Variants in SLCO4A1 observed in about 807,000 individuals in gnomAD.
SLCO4A1 encodes the protein solute carrier organic anion transporter family member 4A1.
A neutral mutation model predicts 64.6 loss-of-function variants in SLCO4A1; 51 were observed. The observed-to-expected ratio is 0.79, with a 90% CI of 0.63 to 1.00. SLCO4A1 has a LOEUF of 1.00. Ranked by LOEUF, SLCO4A1 falls within the 50% of genes least tolerant of loss-of-function variation. SLCO4A1 has a pLI of 0.00. For missense variants in SLCO4A1, 919 were observed against 980.5 expected, an observed-to-expected ratio of 0.94 and a Z score of 0.84; for synonymous variants, 471 against 444.9, an observed-to-expected ratio of 1.06 and a Z score of -0.74.
chr20:62,689,823 G>A (rs796139998), downstream of SLCO4A1, among the ~76,000 whole-genome samples: 26 of 152,382 alleles, frequency 1.7e-4, no homozygotes, highest in African/African-American at 6.3e-4. Flanking sequence ...CACTCCATGT[G>A]TGGGACGGGG....
intron 1 of SLCO4A1, among the ~76,000 whole-genome samples, chr20:62,655,961 G>A (rs1011224359): frequency 1.5e-4 from 23 of 152,212 alleles, no homozygotes; most frequent in African/African-American, 5.5e-4. Flanking sequence ...GCCAGGGCGG[G>A]GTGACCTGGG....
downstream of SLCO4A1, among the ~76,000 whole-genome samples, chr20:62,689,439 A>C (rs147153272): frequency 2.2e-3 from 329 of 152,346 alleles, no homozygotes; most frequent in African/African-American, 7.6e-3. Flanking sequence ...CTAGGCACTG[A>C]GGATACCAGC....
rs117032633 is a variant in SLCO4A1 at position 62,682,479 on chromosome 20, G to A, written n.212-2962G>A. Among the ~76,000 whole-genome samples the A allele has an allele frequency of 3.0e-3, 453 of 152,298 alleles. 1 individual carries two copies. Among genetic ancestry groups the A allele is most frequent in the East Asian group, 8.5e-3 (44 of 5,184 alleles). ...GAGACCACAGAGGGGACAGATGAGC[G>A]TGGTGACCGCTGAGGGGACAGATGA... On this transcript the variant is annotated intron_variant and non_coding_transcript_variant, in intron 2 of 2. Transcript: ENST00000466818.
At chr20:62,660,911 C>T (rs377422643) in intron 4 of SLCO4A1, among the ~76,000 whole-genome samples, 153 bp from the exon 5 acceptor site, 3 of 152,296 alleles carry the variant, frequency 2.0e-5, no homozygotes, top group East Asian at 1.9e-4. Context: ...GTTCCAGTGC[C>T]GCCTCCCCGG....
intron 2 of SLCO4A1, among the ~76,000 whole-genome samples, chr20:62,657,523 G>A (rs77861268): frequency 0.011 from 1,751 of 152,358 alleles, 36 homozygotes; most frequent in African/African-American, 0.039. Context: ...GTGGTGTCCA[G>A]CCCACCTTGC....
chr20:62,661,279 G>T lies in SLCO4A1; in HGVS notation c.1121+104G>T. On this transcript the variant is annotated intron_variant, in intron 5 of 11. Transcript: ENST00000217159. The surrounding 1 kb of genome is among the most constrained non-coding windows in gnomAD (Gnocchi z 5.2). ...CCTCCGGGATCATGATGGGGACGCA[G>T]CCCCTAACCTCTGTCGTGACCCTGG... 1.3e-6 allele frequency: 1 copy of T among 789,350 alleles called. No individual in the cohort carries two copies. Among genetic ancestry groups the T allele is most frequent in the Non-Finnish European group, 2.2e-6 (1 of 456,858 alleles). The allele number at this position is 789,350 out of a possible 1,614,324, so 48.9% of individuals were successfully genotyped here.
At chr20:62,688,657 G>A (rs1378346735), downstream of SLCO4A1, among the ~76,000 whole-genome samples, 2 of 152,210 alleles carry the variant, frequency 1.3e-5, no homozygotes, top group Non-Finnish European at 2.9e-5. Flanking sequence ...GCCAGCAGAT[G>A]GCTGGGGTGG....
At chr20:62,689,262 T>TCGCAGGCCTGTCCCCGGCTGTGCCCCGTG (rs1988157165), downstream of SLCO4A1, among the ~76,000 whole-genome samples, 2 of 84,056 alleles carry the variant, frequency 2.4e-5, no homozygotes, top group Admixed American at 2.0e-4. Context: ...TGTGTCCCGT[T>TCGCAGGCCTGTCCCCGGCTGTGCCCCGTG]CCTCGCAGGC....
intron 2 of SLCO4A1, among the ~76,000 whole-genome samples, chr20:62,679,424 C>T (rs980083327): frequency 6.6e-6 from 1 of 151,502 alleles, no homozygotes; most frequent in Non-Finnish European, 1.5e-5. Context: ...TGCAGTGGTA[C>T]AATCATGGCT....
rs747626967 is a variant in SLCO4A1, at chr20:62,665,001, ACT to A, written c.1193_1194del (p.Leu398HisfsTer154). ...CTGCCTGGCCGGGGCCACCGAGGCC[ACT>A]CTCATCACCGGCATGTCCACGTTCA... ...LLCLAGATEA[T>X]LITGMSTFSP... is the part of the protein sequence containing the mutation. On this transcript the variant is annotated frameshift_variant, in exon 6 of 12. Coordinates refer to ENST00000217159, the MANE Select transcript of SLCO4A1 (RefSeq NM_016354.4). LOFTEE classifies it high-confidence loss of function. 2.1e-4 allele frequency: 340 copies of A among 1,613,752 alleles called. No homozygotes were observed. The highest frequency in any genetic ancestry group is 2.2e-4 in the South Asian group (20 of 91,066).
Position 62,658,657 on chromosome 20 carries a change from C to A in SLCO4A1, c.797-20C>A. ...CCTGGGTGGTGCACAGCGGCCCTGA[C>A]GCCTCTGCCTCTCTCGCAGCCATCT... On this transcript the variant is annotated intron_variant, in intron 2 of 11. Transcript: ENST00000217159. 1 of 1,599,082 alleles carries A rather than the reference C, an allele frequency of 6.3e-7. No homozygotes were observed.
Position 62,656,900 on chromosome 20 carries a change from A to G in SLCO4A1, c.446A>G (p.Tyr149Cys). ...CAGAGCGGGCTCATCGCCAGCTCCT[A>G]CGACATTGCCGCCTGCCTCTGCCTC... Reference protein sequence around the residue: ...SYQSGLIASSYDIAACLCLTF... With the variant: ...SYQSGLIASSCDIAACLCLTF... The change falls in exon 2 of 12, where the codon TAC becomes TGC. Residue 149 changes from tyrosine (Y) to cysteine (C), a missense_variant. By Grantham distance (194) the Tyr-to-Cys change is radical (BLOSUM62 -2). Coordinates refer to ENST00000217159, the MANE Select transcript of SLCO4A1 (RefSeq NM_016354.4). The G allele has an allele frequency of 6.4e-7, 1 of 1,573,862 alleles. No homozygotes were observed. The highest frequency in any genetic ancestry group is 8.7e-7 in the Non-Finnish European group (1 of 1,154,176).
Position 62,656,684 on chromosome 20 carries a change from A to ACGTCTCGGCCGGGCAGAG in SLCO4A1, c.234_251dup (p.Ser79_Val84dup). The ACGTCTCGGCCGGGCAGAG allele has an allele frequency of 6.2e-7, 1 of 1,608,892 alleles. No homozygotes were observed. The highest frequency in any genetic ancestry group is 8.5e-7 in the Non-Finnish European group (1 of 1,178,190). ...GCCCGGGGGACCCATGAGGTGCGGT[A>ACGTCTCGGCCGGGCAGAG]CGTCTCGGCCGGGCAGAGCGTGGCG... On this transcript the variant is annotated inframe_insertion, in exon 2 of 12. Transcript: ENST00000217159.
rs1006078068 is a variant in SLCO4A1 at position 62,661,351 on chromosome 20, G to A, written c.1121+176G>A. The stretch of plus-strand genomic sequence containing the variant: ...AGATAGAGCCTCTGGGCCAGGGGCC[G>A]CAGACCCCGCCTCAGGGCTGCAGAG... On this transcript the variant is annotated intron_variant, in intron 5 of 11. Coordinates refer to ENST00000217159, the MANE Select transcript of SLCO4A1 (RefSeq NM_016354.4). The surrounding 1 kb of genome is among the most constrained non-coding windows in gnomAD (Gnocchi z 5.2). 1.1e-4 allele frequency among the ~76,000 whole-genome samples: 16 copies of A among 152,126 alleles called. No homozygotes were observed. Among genetic ancestry groups the A allele is most frequent in the African/African-American group, 3.4e-4 (14 of 41,440 alleles).
At chr20:62,643,128 C>G in intron 1 of SLCO4A1, 4 of 429,478 alleles carry the variant, frequency 9.3e-6, no homozygotes, top group South Asian at 1.6e-5. Context: ...GGGAGGGGAG[C>G]GCGGGCGGAG....
intron 1 of SLCO4A1, among the ~76,000 whole-genome samples, chr20:62,648,369 G>A (rs767941437): frequency 5.3e-5 from 8 of 152,230 alleles, no homozygotes; most frequent in South Asian, 2.1e-4. Context: ...AGGATGGGCC[G>A]AGAGGTGAGT....
chr20:62,664,820 C>T (rs1985776236), intron 5 of SLCO4A1, 114 bp from the exon 6 acceptor site: 3 of 1,205,044 alleles, frequency 2.5e-6, no homozygotes, highest in South Asian at 3.2e-5. Context: ...TCAGTCTCTT[C>T]TCCACACCCC....
chr20:62,688,809 G>A (rs1215029861), downstream of SLCO4A1, among the ~76,000 whole-genome samples: 1 of 152,226 alleles, frequency 6.6e-6, no homozygotes, highest in Admixed American at 6.5e-5. Context: ...CAAACACAGG[G>A]GAGACCTAAC....
At position 62,656,588 on chromosome 20, in the gene SLCO4A1, G is replaced by T. The variant is rs373936660; in HGVS notation, c.134G>T (p.Arg45Leu). Residue 45 changes from arginine to leucine, a missense_variant, in exon 2 of 12, where the codon CGC becomes CTC. Coordinates refer to ENST00000217159, the MANE Select transcript of SLCO4A1 (RefSeq NM_016354.4). The part of the protein sequence containing the change: ...PGTPLSPGSL[R>L]SAAHSPLDTS... ...ACACCCCTGAGCCCCGGCTCCCTCC[G>T]CTCCGCTGCCCATAGCCCCCTGGAC... The T allele has an allele frequency of 3.1e-6, 5 of 1,593,856 alleles. No homozygotes were observed. The highest frequency in any genetic ancestry group is 4.3e-6 in the Non-Finnish European group (5 of 1,173,440).
Sources: allele counts gnomAD v4.1 joint callset (sites outside exome capture counted in the v4.1 genomes callset), GRCh38; gene constraint gnomAD v4.1.1; non-coding constraint Gnocchi (gnomAD v3.1); transcripts MANE v1.5; gene names NCBI Gene and HGNC (gene_info 2026-07-23, HGNC 2026-07-21).